Variants in LTBP1 observed in about 807,000 individuals in gnomAD.
LTBP1 encodes latent-transforming growth factor beta-binding protein 1.
LTBP1 carries 129 observed loss-of-function variants against 207.6 expected under a neutral mutation model. The observed-to-expected ratio is 0.62, with a 90% confidence interval of 0.54 to 0.72. The LOEUF is 0.72. Among genes scored for constraint, LTBP1 ranks in the 30% least tolerant of loss-of-function variants. LTBP1 has a pLI of 0.00. For missense variants in LTBP1, 2,281 were observed against 2,217.2 expected, an observed-to-expected ratio of 1.03 and a Z score of -0.58; for synonymous variants, 963 against 833.7, an observed-to-expected ratio of 1.16 and a Z score of -2.67.
intron 2 of LTBP1, among the ~76,000 whole-genome samples, chr2:33,004,172 T>C (rs553395920): frequency 6.6e-6 from 1 of 152,210 alleles, no homozygotes; most frequent in East Asian, 1.9e-4. Flanking sequence ...CTTTTAAAGA[T>C]GGAGCTGTTC....
chr2:33,241,321 CT>C (rs1456058956), intron 9 of LTBP1, among the ~76,000 whole-genome samples: 4 of 152,310 alleles, frequency 2.6e-5, no homozygotes, highest in African/African-American at 7.2e-5. Flanking sequence ...CTGTTTCTTC[CT>C]GTCTATACCT....
intron 5 of LTBP1, among the ~76,000 whole-genome samples, chr2:33,150,690 CT>C (rs966002294): frequency 6.8e-5 from 8 of 116,798 alleles, no homozygotes; most frequent in African/African-American, 2.2e-4. Flanking sequence ...GCTTTCTTTT[CT>C]TTTTTCTTTT....
intron 5 of LTBP1, among the ~76,000 whole-genome samples, chr2:33,140,590 G>A (rs74526901): frequency 1.3e-5 from 2 of 151,674 alleles, no homozygotes; most frequent in Non-Finnish European, 2.9e-5. Context: ...CTATATCAAA[G>A]AATTTTATTT....
rs1353895188 is a variant in LTBP1 at position 33,397,125 on chromosome 2, C to G, written c.4835-8C>G. ...GCTCTAACTTAGCTTCTGCCCTTTCCTTTCCAGGTTTTCTAAATAGCTTTG... is the reference window on the plus strand; with the variant it reads ...GCTCTAACTTAGCTTCTGCCCTTTCGTTTCCAGGTTTTCTAAATAGCTTTG... On this transcript the variant is annotated splice_polypyrimidine_tract_variant and splice_region_variant and intron_variant, in intron 32 of 33. Transcript: ENST00000404816. 1.2e-6 allele frequency: 2 copies of G among 1,612,796 alleles called. No individual in the cohort carries two copies. The highest frequency in any genetic ancestry group is 1.7e-6 in the Non-Finnish European group (2 of 1,179,184).
intron 19 of LTBP1, among the ~76,000 whole-genome samples, chr2:33,288,067 C>G (rs1230505569): frequency 6.6e-6 from 1 of 152,048 alleles, no homozygotes; most frequent in South Asian, 2.1e-4. Flanking sequence ...ATGCTTTATC[C>G]CTATCTCAAG....
intron 19 of LTBP1, among the ~76,000 whole-genome samples, chr2:33,284,473 G>A (rs1444796438): frequency 6.6e-6 from 1 of 152,084 alleles, no homozygotes; most frequent in Non-Finnish European, 1.5e-5. Context: ...TCGTCATTCG[G>A]CACTGTATTC....
chr2:33,175,585 A>G (rs1035761982), intron 5 of LTBP1, among the ~76,000 whole-genome samples: 1 of 152,228 alleles, frequency 6.6e-6, no homozygotes, highest in Non-Finnish European at 1.5e-5. Context: ...CCATTGTGGA[A>G]GTCAGTGTGA....
intron 20 of LTBP1, among the ~76,000 whole-genome samples, chr2:33,298,874 A>C (rs569773391): frequency 3.9e-5 from 6 of 152,352 alleles, no homozygotes; most frequent in African/African-American, 1.4e-4. Context: ...TCAGGAAACT[A>C]TGTCAGTATT....
chr2:33,055,167 G>A (rs219076), intron 3 of LTBP1, among the ~76,000 whole-genome samples: 122,415 of 152,056 alleles, frequency 0.81, 52,533 homozygotes, highest in Non-Finnish European at 0.97. Context: ...AAGGTTTAAC[G>A]ATGCCTCTAG....
chr2:33,378,226 G>T (rs1359551861), intron 31 of LTBP1, among the ~76,000 whole-genome samples: 39 of 120,636 alleles, frequency 3.2e-4, no homozygotes, highest in African/African-American at 1.1e-3. Context: ...TGTGTGTTTT[G>T]TTTGTTTGTT....
intron 5 of LTBP1, among the ~76,000 whole-genome samples, chr2:33,150,704 C>CTTTTTTTTTTTTTTTTTTTTTTTTTT (rs1211013076): frequency 9.2e-6 from 1 of 108,842 alleles, no homozygotes; most frequent in African/African-American, 3.5e-5. Context: ...TTTCTTTTTT[C>CTTTTTTTTTTTTTTTTTTTTTTTTTT]TTTTTCTTTT....
At chr2:33,198,671 C>G (rs1156327124) in intron 7 of LTBP1, among the ~76,000 whole-genome samples, 2 of 152,170 alleles carry the variant, frequency 1.3e-5, no homozygotes, top group African/African-American at 4.8e-5. Flanking sequence ...TCTAGATTTT[C>G]TAGTGTATTA....
intron 8 of LTBP1, among the ~76,000 whole-genome samples, chr2:33,221,765 A>G (rs979673976): frequency 2.0e-5 from 3 of 152,192 alleles, no homozygotes; most frequent in East Asian, 1.9e-4. Flanking sequence ...AAGCACATCA[A>G]TGGGGAGGAA....
chr2:32,953,570 A>G (rs1235815335), intron 2 of LTBP1, among the ~76,000 whole-genome samples: 1 of 152,196 alleles, frequency 6.6e-6, no homozygotes, highest in East Asian at 1.9e-4. Flanking sequence ...GAGACTAGTT[A>G]AAATCCACAT....
chr2:33,057,063 A>G (rs1572419650), intron 3 of LTBP1, among the ~76,000 whole-genome samples: 1 of 152,108 alleles, frequency 6.6e-6, no homozygotes, highest in African/African-American at 2.4e-5. Context: ...ATATTTACAA[A>G]CCATGAGCTA....
intron 31 of LTBP1, among the ~76,000 whole-genome samples, chr2:33,367,218 G>A (rs1247774129): frequency 6.6e-6 from 1 of 152,152 alleles, no homozygotes; most frequent in African/African-American, 2.4e-5. Context: ...GCATCCCTGA[G>A]ATTGGGGTCA....
At chr2:32,978,658 T>G (rs1233308471) in intron 2 of LTBP1, among the ~76,000 whole-genome samples, 1 of 149,076 alleles carries the variant, frequency 6.7e-6, no homozygotes, top group Non-Finnish European at 1.5e-5. Context: ...GCCTGTAGTT[T>G]TTTTTTAATT....
rs1030667931 is a variant in LTBP1, at chr2:33,215,869, C to G, written c.1702-1683C>G. Among the ~76,000 whole-genome samples, 9 of 152,198 alleles carry G rather than the reference C, an allele frequency of 5.9e-5. No homozygotes were observed. The South Asian group carries it at 1.9e-3, about 32-fold the overall frequency. On this transcript the variant is annotated intron_variant, in intron 7 of 33. Coordinates refer to ENST00000404816, the MANE Select transcript of LTBP1 (RefSeq NM_206943.4). ...TAGCTGGGACTAGAGGCACGCACCA[C>G]CACGCTGGCTAATTTTTTGTATTTT...
chr2:33,307,637 G>A (rs1346965452), intron 22 of LTBP1, among the ~76,000 whole-genome samples: 2 of 152,198 alleles, frequency 1.3e-5, no homozygotes, highest in African/African-American at 4.8e-5. Context: ...AACTCATTGA[G>A]CTGACTCTTA....
Sources: gnomAD v4.1 joint callset for allele counts (sites outside exome capture counted in the v4.1 genomes callset) on GRCh38, gnomAD v4.1.1 for gene constraint, MANE v1.5 for transcripts, NCBI Gene and HGNC (gene_info 2026-07-23, HGNC 2026-07-21) for gene names.